IL1RAPL2: variants seen among roughly 807,000 people sequenced by gnomAD.
IL1RAPL2 encodes the protein interleukin 1 receptor accessory protein like 2, also known as X-linked interleukin-1 receptor accessory protein-like 2.
In IL1RAPL2, 3 loss-of-function variants were observed where a neutral mutation model predicts 44.1. The observed-to-expected ratio is 0.07, with a 90% CI of 0.03 to 0.18. IL1RAPL2 has a LOEUF of 0.18. IL1RAPL2 is among the 10% of genes least tolerant of loss of function. The probability of loss-of-function intolerance (pLI) is 1.00; values close to 1 mark genes in which losing one functional copy is unlikely to be tolerated. For synonymous variants in IL1RAPL2, 181 were observed against 178.8 expected, an observed-to-expected ratio of 1.01 and a Z score of -0.10; for missense variants, 391 against 496.4, an observed-to-expected ratio of 0.79 and a Z score of 2.02.
At chrX:105,617,403 C>A (rs2037385102) in intron 6 of IL1RAPL2, among the ~76,000 whole-genome samples, 1 of 111,221 alleles carries the variant, frequency 9.0e-6, no homozygotes, top group Non-Finnish European at 1.9e-5. Flanking sequence ...CTACTCAATT[C>A]TGGGGACTTG....
intron 6 of IL1RAPL2, among the ~76,000 whole-genome samples, chrX:105,497,236 C>A (rs1406157222): frequency 9.0e-6 from 1 of 110,654 alleles, no homozygotes; most frequent in Non-Finnish European, 1.9e-5. Context: ...CTATTATGAA[C>A]AATTATAAAA....
At chrX:105,362,308 C>G (rs1477433544) in intron 5 of IL1RAPL2, among the ~76,000 whole-genome samples, 1 of 111,400 alleles carries the variant, frequency 9.0e-6, no homozygotes, top group Admixed American at 9.6e-5. Flanking sequence ...TGATAAAACC[C>G]ACAGCTGCTG....
intron 1 of IL1RAPL2, among the ~76,000 whole-genome samples, chrX:104,582,676 C>CTCTT (rs202220678): frequency 0.41 from 27,590 of 67,564 alleles, 5,139 homozygotes; most frequent in East Asian, 0.61. Context: ...TTTTTTCTTT[C>CTCTT]TCTTTCTTTC....
chrX:105,678,297 C>A (rs1276061610), intron 6 of IL1RAPL2, among the ~76,000 whole-genome samples: 1 of 112,078 alleles, frequency 8.9e-6, no homozygotes, highest in Non-Finnish European at 1.9e-5. Flanking sequence ...ATAATCAAAT[C>A]ATCAAAAATG....
At chrX:105,016,297 C>A (rs1032944184) in intron 2 of IL1RAPL2, among the ~76,000 whole-genome samples, 2 of 111,249 alleles carry the variant, frequency 1.8e-5, no homozygotes, top group Non-Finnish European at 3.8e-5. Flanking sequence ...TGATTGAATA[C>A]CCTTTATTTC....
intron 5 of IL1RAPL2, among the ~76,000 whole-genome samples, chrX:105,376,435 T>A (rs1236654429): frequency 1.8e-5 from 2 of 112,138 alleles, no homozygotes; most frequent in Non-Finnish European, 3.8e-5. Flanking sequence ...TAATACTTAC[T>A]GGGGAAAATC....
At chrX:104,851,150 A>G (rs1318421179) in intron 2 of IL1RAPL2, among the ~76,000 whole-genome samples, 3 of 111,405 alleles carry the variant, frequency 2.7e-5, no homozygotes, top group Admixed American at 9.6e-5. Flanking sequence ...CTCACCATTT[A>G]GAATGGTTAT....
chrX:104,614,683 T>A (rs1929232768), intron 1 of IL1RAPL2, among the ~76,000 whole-genome samples: 1 of 112,106 alleles, frequency 8.9e-6, no homozygotes, highest in African/African-American at 3.2e-5. Flanking sequence ...GTACTTGTTT[T>A]ATGAATTTGG....
intron 6 of IL1RAPL2, among the ~76,000 whole-genome samples, chrX:105,589,548 T>C (rs907802394): frequency 1.8e-5 from 2 of 111,703 alleles, no homozygotes; most frequent in Non-Finnish European, 3.8e-5. Flanking sequence ...TTAGTTGAAA[T>C]TTTTTATATG....
chrX:105,142,363 A>T (rs973751976), intron 2 of IL1RAPL2, among the ~76,000 whole-genome samples: 13 of 111,203 alleles, frequency 1.2e-4, no homozygotes, highest in South Asian at 7.5e-4. Context: ...TCATCACTTA[A>T]ACAGGAATAA....
At chrX:104,895,494 C>T (rs1923616165) in intron 2 of IL1RAPL2, among the ~76,000 whole-genome samples, 1 of 112,650 alleles carries the variant, frequency 8.9e-6, no homozygotes, top group Admixed American at 9.4e-5. Context: ...GCGGGCGCCA[C>T]TCTCCCAGCC....
chrX:105,547,648 G>A (rs1341549437), intron 6 of IL1RAPL2, among the ~76,000 whole-genome samples: 6 of 111,833 alleles, frequency 5.4e-5, no homozygotes, highest in Admixed American at 1.9e-4. Context: ...ATGTCCTGTG[G>A]CTAGTACTGA....
Position 105,447,980 on chromosome X carries a change from T to A in IL1RAPL2, c.698-36333T>A, listed in dbSNP as rs1052832513. 1.9e-4 allele frequency among the ~76,000 whole-genome samples: 19 copies of A among 101,633 alleles called. No individual in the cohort carries two copies. In the East Asian group the frequency reaches 5.4e-3, roughly 29 times the overall value. The allele number at this position is 101,633 out of a possible 115,157, so 88.3% of individuals were successfully genotyped here. ...TATATAAATATATTAAAAATATAAA[T>A]ATATAAATATATAATTTTAACCAGA... On this transcript the variant is annotated intron_variant, in intron 5 of 10. Transcript: ENST00000372582.
chrX:104,987,018 A>G (rs757826956), intron 2 of IL1RAPL2, among the ~76,000 whole-genome samples: 44 of 112,328 alleles, frequency 3.9e-4, no homozygotes, highest in African/African-American at 1.4e-3. Flanking sequence ...AATACAATGC[A>G]TTTTGCTTGA....
At chrX:105,759,574 G>T (rs748017060) in intron 10 of IL1RAPL2, among the ~76,000 whole-genome samples, 1 of 112,112 alleles carries the variant, frequency 8.9e-6, no homozygotes, top group Non-Finnish European at 1.9e-5. Context: ...CTCATGTGTC[G>T]AATTATCTTT....
intron 2 of IL1RAPL2, among the ~76,000 whole-genome samples, chrX:104,890,815 T>A (rs1289187919): frequency 4.5e-5 from 5 of 112,041 alleles, no homozygotes; most frequent in Non-Finnish European, 9.4e-5. Flanking sequence ...AGATCCCATT[T>A]GTCAATTTTG....
intron 6 of IL1RAPL2, among the ~76,000 whole-genome samples, chrX:105,672,100 A>G (rs1053771548): frequency 9.0e-6 from 1 of 111,306 alleles, no homozygotes; most frequent in South Asian, 3.8e-4. Context: ...GAGTTTTTTT[A>G]TTATGACTGT....
At chrX:104,930,137 A>G (rs1924862108) in intron 2 of IL1RAPL2, among the ~76,000 whole-genome samples, 1 of 111,966 alleles carries the variant, frequency 8.9e-6, no homozygotes. Context: ...AGTTTGGGGC[A>G]ATCTCTGTAA....
At chrX:105,524,110 G>C (rs764761181) in intron 6 of IL1RAPL2, among the ~76,000 whole-genome samples, 1 of 111,425 alleles carries the variant, frequency 9.0e-6, no homozygotes, top group South Asian at 3.7e-4. Context: ...CGGCTCAAAG[G>C]CCTCACTTAA....
Sources: allele counts gnomAD v4.1 joint callset (sites outside exome capture counted in the v4.1 genomes callset), GRCh38; gene constraint gnomAD v4.1.1; transcripts MANE v1.5; gene names NCBI Gene and HGNC (gene_info 2026-07-23, HGNC 2026-07-21).